Variants in TMEM245 observed in about 807,000 individuals in gnomAD.
TMEM245 encodes transmembrane protein 245, also known as protein CG-2.
TMEM245 carries 69 observed loss-of-function variants against 101.2 expected under a neutral mutation model. The observed-to-expected ratio is 0.68, with a 90% CI of 0.56 to 0.83. The LOEUF is 0.83. Ranked by LOEUF, TMEM245 falls within the 40% of genes least tolerant of loss-of-function variation. The pLI is 0.00. For synonymous variants in TMEM245, 537 were observed against 449.8 expected (o/e 1.19, Z -2.45); for missense variants, 1,075 against 1,092.8 (o/e 0.98, Z 0.23).
chr9:109,028,451 T>A, intron 17 of TMEM245, among the ~76,000 whole-genome samples: 1 of 76,292 alleles, frequency 1.3e-5, no homozygotes, highest in Non-Finnish European at 3.2e-5. Flanking sequence ...TGACACTCCA[T>A]CTCAAAAAAA....
chr9:109,086,034 G>C lies in TMEM245; in HGVS notation c.1321-14C>G, dbSNP rs1427795102. ...CCAGTGCCAGAGCTTGAGGATAGGG[G>C]GTAAGGTGAGAAAGAGAAGATAAGA... On this transcript the variant is annotated splice_polypyrimidine_tract_variant and intron_variant, in intron 6 of 17. Coordinates refer to ENST00000374586, the MANE Select transcript of TMEM245 (RefSeq NM_032012.4). 6.2e-7 allele frequency: 1 copy of C among 1,613,420 alleles called. No individual in the cohort carries two copies. Among genetic ancestry groups the C allele is most frequent in the Non-Finnish European group, 8.5e-7 (1 of 1,179,648 alleles).
intron 9 of TMEM245, among the ~76,000 whole-genome samples, chr9:109,071,889 T>C (rs531029402): frequency 6.6e-6 from 1 of 152,172 alleles, no homozygotes; most frequent in South Asian, 2.1e-4. Flanking sequence ...AGAGATCCTA[T>C]AAAACAGAAG....
At chr9:109,059,653 C>A (rs1828948168) in intron 11 of TMEM245, among the ~76,000 whole-genome samples, 1 of 152,008 alleles carries the variant, frequency 6.6e-6, no homozygotes, top group Admixed American at 6.6e-5. Flanking sequence ...CCACTGCACT[C>A]CAGTCTGGGT....
intron 3 of TMEM245, among the ~76,000 whole-genome samples, chr9:109,097,266 A>G (rs72760367): frequency 0.15 from 22,224 of 152,212 alleles, 1,845 homozygotes; most frequent in African/African-American, 0.2. Flanking sequence ...AGACAAAAAA[A>G]CAAATATGAA....
At chr9:109,116,808 G>A (rs1329957386) in intron 1 of TMEM245, among the ~76,000 whole-genome samples, 1 of 152,088 alleles carries the variant, frequency 6.6e-6, no homozygotes, top group Non-Finnish European at 1.5e-5. Flanking sequence ...GACTACAGGC[G>A]TGGGCAACCC....
chr9:109,033,531 C>T (rs1219306894), intron 16 of TMEM245, 30 bp from the exon 17 acceptor site: 1 of 1,530,090 alleles, frequency 6.5e-7, no homozygotes, highest in Non-Finnish European at 8.8e-7. Flanking sequence ...CTTTAACACA[C>T]AAAAACTGGA....
At chr9:109,113,820 T>C (rs1160781581) in intron 1 of TMEM245, among the ~76,000 whole-genome samples, 1 of 152,222 alleles carries the variant, frequency 6.6e-6, no homozygotes. Flanking sequence ...AAGGGTGCAG[T>C]GGCTCACACC....
chr9:109,067,563 G>A (rs931986111), intron 9 of TMEM245, among the ~76,000 whole-genome samples: 12 of 152,150 alleles, frequency 7.9e-5, no homozygotes, highest in Non-Finnish European at 1.3e-4. Context: ...CCAAGTAAGC[G>A]AAGGGATAAG....
At chr9:109,026,278 T>C (rs2184120) in intron 17 of TMEM245, among the ~76,000 whole-genome samples, 11,850 of 151,564 alleles carry the variant, frequency 0.078, 521 homozygotes, top group Middle Eastern at 0.12. Context: ...AGTGTATAAA[T>C]GAAAACTGCA....
chr9:109,031,597 G>A (rs1827945549), intron 17 of TMEM245, among the ~76,000 whole-genome samples: 1 of 152,202 alleles, frequency 6.6e-6, no homozygotes, highest in African/African-American at 2.4e-5. Flanking sequence ...TAGAGTATCA[G>A]CAGGCAGTGG....
chr9:109,091,482 C>G lies in TMEM245; in HGVS notation c.917-327G>C, dbSNP rs571292798. Among the ~76,000 whole-genome samples the G allele has an allele frequency of 1.1e-4, 17 of 152,206 alleles. No homozygotes were observed. The South Asian group carries it at 3.5e-3, about 32-fold the overall frequency. ...AACTTATTCAAACTATTTAAAGAAA[C>G]AAATGCTAACATATACTAGAATTTC... On this transcript the variant is annotated intron_variant, in intron 4 of 17. Coordinates refer to ENST00000374586, the MANE Select transcript of TMEM245 (RefSeq NM_032012.4).
intron 14 of TMEM245, among the ~76,000 whole-genome samples, chr9:109,044,230 G>A (rs1453894292): frequency 6.6e-6 from 1 of 152,114 alleles, no homozygotes; most frequent in Non-Finnish European, 1.5e-5. Flanking sequence ...TTTCTAAACT[G>A]AGTAAGAAAA....
intron 10 of TMEM245, among the ~76,000 whole-genome samples, chr9:109,063,104 G>T (rs1158298109): frequency 2.6e-5 from 4 of 152,106 alleles, no homozygotes; most frequent in African/African-American, 7.2e-5. Context: ...CTAATTTGAG[G>T]TAAACAAGCT....
intron 17 of TMEM245, among the ~76,000 whole-genome samples, chr9:109,030,396 G>A (rs540817548): frequency 1.1e-4 from 17 of 152,160 alleles, no homozygotes; most frequent in South Asian, 4.2e-4. Context: ...ACTTTTAGAA[G>A]GACAAAGAGT....
chr9:109,090,814 T>C, intron 5 of TMEM245, 108 bp downstream of exon 5: 1 of 968,080 alleles, frequency 1.0e-6, no homozygotes. Flanking sequence ...AAGATTGTTT[T>C]ACTTTGCAAG....
chr9:109,025,918 A>G (rs1010906255), intron 17 of TMEM245, among the ~76,000 whole-genome samples: 3 of 152,232 alleles, frequency 2.0e-5, no homozygotes, highest in Admixed American at 6.5e-5. Flanking sequence ...CCTTCCTACA[A>G]TCTTTCCTTA....
At chr9:109,060,527 T>G (rs1828982301) in intron 10 of TMEM245, 75 bp from the exon 11 acceptor site, 1 of 1,001,572 alleles carries the variant, frequency 1.0e-6, no homozygotes, top group Non-Finnish European at 1.5e-6. Flanking sequence ...ATGCTGGGTA[T>G]TTACATTTGT....
chr9:109,053,434 GA>G (rs1054230823), intron 12 of TMEM245, among the ~76,000 whole-genome samples: 6 of 151,368 alleles, frequency 4.0e-5, no homozygotes, highest in East Asian at 1.9e-4. Flanking sequence ...CTCTGAGGGG[GA>G]AAAAAAAGGA....
Position 109,119,904 on chromosome 9 carries a change from C to A in TMEM245, c.10G>T (p.Gly4Cys), listed in dbSNP as rs1269049955. Residue 4 changes from glycine (G) to cysteine (C), a missense_variant, in exon 1 of 18, where the codon GGC (glycine) becomes TGC (cysteine). By Grantham distance (159) the Gly-to-Cys change is radical. This residue lies in a region of TMEM245 where 808 missense variants were observed against 741.5 expected (regional missense o/e 1.09). Transcript: ENST00000374586. ...CTTGGCGCGTCCTTAGGGCCGCCGCCGTCGGCCATCGTTCCTCCGCCACAG... is the reference window on the plus strand; with the variant it reads ...CTTGGCGCGTCCTTAGGGCCGCCGCAGTCGGCCATCGTTCCTCCGCCACAG... MAD[G>C]GGPKDAPSLR... 1 of 1,272,360 alleles carries A rather than the reference C, an allele frequency of 7.9e-7. No individual in the cohort carries two copies. Among genetic ancestry groups the A allele is most frequent in the Non-Finnish European group, 9.9e-7 (1 of 1,014,110 alleles). 78.8% of individuals were successfully genotyped at this position (1,272,360 alleles called of 1,614,324 possible). A position where few individuals can be genotyped will look rare whatever the true frequency, so the allele number is the denominator to read the frequency against.
Sources: gnomAD v4.1 joint callset for allele counts (sites outside exome capture counted in the v4.1 genomes callset) on GRCh38, gnomAD v4.1.1 for gene constraint, gnomAD v4.1.1 regional missense constraint, MANE v1.5 for transcripts, NCBI Gene and HGNC (gene_info 2026-07-23, HGNC 2026-07-21) for gene names.